Variants in ERBB4 observed in about 807,000 individuals in gnomAD.
The protein encoded by ERBB4 is receptor tyrosine-protein kinase erbB-4.
Under a neutral mutation model 158.0 loss-of-function variants are expected in ERBB4, and 42 were observed. The observed-to-expected ratio is 0.27, with a 90% CI of 0.21 to 0.34. ERBB4 has a LOEUF of 0.34. Among genes scored for constraint, ERBB4 ranks in the 10% least tolerant of loss-of-function variants. The pLI, the probability that ERBB4 is intolerant of heterozygous loss-of-function variation, is 1.00. For missense variants in ERBB4, 1,333 were observed against 1,624.1 expected, an observed-to-expected ratio of 0.82 and a Z score of 3.08; for synonymous variants, 583 against 558.7, an observed-to-expected ratio of 1.04 and a Z score of -0.61.
chr2:212,498,648 A>G (rs1380610494), intron 1 of ERBB4, among the ~76,000 whole-genome samples: 1 of 152,108 alleles, frequency 6.6e-6, no homozygotes, highest in Admixed American at 6.6e-5. Flanking sequence ...ATGTAGTGAA[A>G]TAATGTTTTT....
intron 25 of ERBB4, among the ~76,000 whole-genome samples, chr2:211,405,511 T>C (rs189539005): frequency 8.3e-4 from 127 of 152,288 alleles, no homozygotes; most frequent in Admixed American, 3.3e-3. Context: ...CCATAATCTC[T>C]GTGATTTCAC....
At chr2:212,353,201 T>G (rs926782034) in intron 1 of ERBB4, among the ~76,000 whole-genome samples, 1 of 151,854 alleles carries the variant, frequency 6.6e-6, no homozygotes, top group South Asian at 2.1e-4. Flanking sequence ...TTTAATGATT[T>G]GGGGCCCACT....
chr2:212,081,373 C>T (rs1476699678), intron 2 of ERBB4, among the ~76,000 whole-genome samples: 1 of 152,028 alleles, frequency 6.6e-6, no homozygotes, highest in Non-Finnish European at 1.5e-5. Flanking sequence ...CAGTATAAAC[C>T]TGTCAAGACA....
At chr2:212,443,662 C>A (rs532568881) in intron 1 of ERBB4, among the ~76,000 whole-genome samples, 3 of 152,310 alleles carry the variant, frequency 2.0e-5, no homozygotes, top group Non-Finnish European at 4.4e-5. Flanking sequence ...GGCTGCTGTG[C>A]AAACTGCTCT....
chr2:212,161,885 T>C (rs566262888), intron 1 of ERBB4, among the ~76,000 whole-genome samples: 73 of 151,936 alleles, frequency 4.8e-4, no homozygotes, highest in African/African-American at 1.6e-3. Flanking sequence ...GATCTAAAAA[T>C]TCCTTATTAA....
rs1055980866 is a variant in ERBB4 at position 211,380,208 on chromosome 2, A to T, written c.*3407T>A. The T allele has an allele frequency of 4.3e-6, 1 of 232,220 alleles. No individual in the cohort carries two copies. Among genetic ancestry groups the T allele is most frequent in the African/African-American group, 2.2e-5 (1 of 45,290 alleles). 14.4% of individuals were successfully genotyped at this position (232,220 alleles called of 1,614,324 possible). A position where few individuals can be genotyped will look rare whatever the true frequency, so the allele number is the denominator to read the frequency against. The stretch of plus-strand genomic sequence containing the variant: ...GATTCTCATCCTAAGCTGTGCTACT[A>T]ATACTATGCAGAAAACCAGGAGCTG... On this transcript the variant is annotated 3_prime_UTR_variant, in exon 28 of 28. Coordinates refer to ENST00000342788, the MANE Select transcript of ERBB4 (RefSeq NM_005235.3).
At chr2:211,478,839 A>T (rs1203861408) in intron 20 of ERBB4, among the ~76,000 whole-genome samples, 1 of 152,106 alleles carries the variant, frequency 6.6e-6, no homozygotes, top group South Asian at 2.1e-4. Flanking sequence ...AAACAAAACC[A>T]ATTCCAGGAA....
At chr2:211,578,538 A>T (rs899907748) in intron 19 of ERBB4, among the ~76,000 whole-genome samples, 1 of 152,202 alleles carries the variant, frequency 6.6e-6, no homozygotes, top group African/African-American at 2.4e-5. Flanking sequence ...GCATCATGGT[A>T]CTAGACTTCA....
At chr2:212,489,442 C>T (rs1445562116) in intron 1 of ERBB4, among the ~76,000 whole-genome samples, 1 of 151,916 alleles carries the variant, frequency 6.6e-6, no homozygotes, top group African/African-American at 2.4e-5. Flanking sequence ...TGCTCACTCC[C>T]CCAAACTCTG....
intron 20 of ERBB4, among the ~76,000 whole-genome samples, chr2:211,537,011 T>C (rs1025122721): frequency 2.0e-5 from 3 of 152,072 alleles, no homozygotes; most frequent in Non-Finnish European, 4.4e-5. Context: ...TATTCCTTGG[T>C]TGCAGCAATG....
At chr2:212,299,923 C>T (rs2086557395) in intron 1 of ERBB4, among the ~76,000 whole-genome samples, 1 of 151,550 alleles carries the variant, frequency 6.6e-6, no homozygotes. Context: ...TACATTAAAT[C>T]AGTTGGAGAT....
chr2:211,832,852 T>TTA lies in ERBB4; in HGVS notation c.422-44695_422-44694dup, dbSNP rs751792414. ...ATTGAATAAACTACATATATATAGT[T>TTA]TATATATATATAAATAAATAAGACT... On this transcript the variant is annotated intron_variant, in intron 3 of 27. Coordinates refer to ENST00000342788, the MANE Select transcript of ERBB4 (RefSeq NM_005235.3). Among the ~76,000 whole-genome samples the TTA allele has an allele frequency of 1.1e-3, 163 of 147,674 alleles. 2 individuals carry two copies. The highest frequency in any genetic ancestry group is 0.011 in the Middle Eastern group (3 of 280).
intron 19 of ERBB4, among the ~76,000 whole-genome samples, chr2:211,590,940 A>G (rs867104081): frequency 2.0e-5 from 3 of 152,178 alleles, no homozygotes; most frequent in Non-Finnish European, 4.4e-5. Context: ...TTTCTCTACA[A>G]TGATGATTAT....
chr2:211,448,379 T>C (rs2064163146), intron 20 of ERBB4, among the ~76,000 whole-genome samples: 1 of 152,080 alleles, frequency 6.6e-6, no homozygotes. Flanking sequence ...GGAGAATAAC[T>C]AACTTTGAGC....
intron 1 of ERBB4, among the ~76,000 whole-genome samples, chr2:212,411,661 C>T (rs1482364953): frequency 2.0e-5 from 3 of 152,024 alleles, no homozygotes; most frequent in South Asian, 4.2e-4. Flanking sequence ...GAACTAAACA[C>T]TTGTTTAAAG....
At chr2:211,612,767 T>C (rs2069247410) in intron 19 of ERBB4, among the ~76,000 whole-genome samples, 1 of 152,082 alleles carries the variant, frequency 6.6e-6, no homozygotes, top group South Asian at 2.1e-4. Flanking sequence ...TCTAGTCTCA[T>C]AACTTAAGCT....
intron 1 of ERBB4, among the ~76,000 whole-genome samples, chr2:212,437,506 A>T (rs538412407): frequency 6.7e-4 from 102 of 151,722 alleles, no homozygotes; most frequent in Non-Finnish European, 1.1e-3. Flanking sequence ...AAAAAAAAAA[A>T]AGGAAGATTG....
chr2:211,649,503 T>C (rs759874989), intron 16 of ERBB4, among the ~76,000 whole-genome samples: 1 of 152,008 alleles, frequency 6.6e-6, no homozygotes, highest in Non-Finnish European at 1.5e-5. Flanking sequence ...CTATTCTCTC[T>C]GGGATTTGAA....
intron 1 of ERBB4, among the ~76,000 whole-genome samples, chr2:212,331,067 T>TATATATATATATAC (rs1560036927): frequency 7.7e-6 from 1 of 129,522 alleles, no homozygotes; most frequent in African/African-American, 2.7e-5. Flanking sequence ...TGTATATATA[T>TATATATATATATAC]ATATACACAT....
Sources: allele counts gnomAD v4.1 joint callset (sites outside exome capture counted in the v4.1 genomes callset), GRCh38; gene constraint gnomAD v4.1.1; transcripts MANE v1.5; gene names NCBI Gene and HGNC (gene_info 2026-07-23, HGNC 2026-07-21).